The following ANTXR1 variants were observed in gnomAD, a reference collection of about 807,000 sequenced individuals.
The protein encoded by ANTXR1 is ANTXR cell adhesion molecule 1.
Under a neutral mutation model 78.1 loss-of-function variants are expected in ANTXR1, and 19 were observed. That is an observed-to-expected ratio of 0.24 (90% CI 0.17 to 0.36). The LOEUF is 0.36. ANTXR1 is among the 10% of genes least tolerant of loss of function. The pLI, the probability that ANTXR1 is intolerant of heterozygous loss-of-function variation, is 1.00. For missense variants in ANTXR1, 518 were observed against 718.6 expected (o/e 0.72, Z 3.19); for synonymous variants, 273 against 260.5 (o/e 1.05, Z -0.46).
At chr2:69,130,518 G>A (rs1395610371) in intron 12 of ANTXR1, among the ~76,000 whole-genome samples, 1 of 152,186 alleles carries the variant, frequency 6.6e-6, no homozygotes, top group African/African-American at 2.4e-5. Flanking sequence ...ACAGGATATT[G>A]AGTCGAAAAT....
chr2:69,202,440 A>G (rs1674795307), intron 17 of ANTXR1, among the ~76,000 whole-genome samples: 1 of 152,186 alleles, frequency 6.6e-6, no homozygotes, highest in African/African-American at 2.4e-5. Context: ...CTTAACAAAC[A>G]ATGGGAGGGA....
intron 4 of ANTXR1, 87 bp downstream of exon 4, chr2:69,070,815 T>TTA: frequency 8.0e-7 from 1 of 1,243,240 alleles, no homozygotes; most frequent in South Asian, 1.2e-5. Context: ...GGCACTTATA[T>TTA]TAAGAGGGCT....
intron 10 of ANTXR1, among the ~76,000 whole-genome samples, chr2:69,111,809 T>C (rs536511338): frequency 2.0e-4 from 31 of 152,200 alleles, no homozygotes; most frequent in Non-Finnish European, 3.7e-4. Context: ...TTCAAAAACA[T>C]GCCCAATTTT....
rs762277688 is a variant in ANTXR1, at chr2:69,193,346, T to C, written c.1365T>C (p.Asp455=). 6.2e-7 allele frequency: 1 copy of C among 1,613,980 alleles called. No individual in the cohort carries two copies. Among genetic ancestry groups the C allele is most frequent in the Non-Finnish European group, 8.5e-7 (1 of 1,179,934 alleles). ...KWYSPIKGKL[D]ALWVLLRKGY... is the part of the protein sequence containing the mutation. ...TTGTTTTATTTCAGGGAAAACTCGA[T>C]GCCTTGTGGGTCCTACTGAGGAAAG... The change falls in exon 17 of 18, where the codon GAT becomes GAC. Residue 455 remains aspartate (D), a synonymous_variant. Coordinates refer to ENST00000303714, the MANE Select transcript of ANTXR1 (RefSeq NM_032208.3).
rs372378888 is a variant in ANTXR1 at position 69,193,415 on chromosome 2, G to A, written c.1434G>A (p.Thr478=). ...TGATGCGTCCACAGCCAGGAGACAC[G>A]GTAGGACTCGTTAATTCATTAATGG... The part of the protein sequence containing the change: ...VSVMRPQPGD[T]GRCINFTRVK... Residue 478 remains threonine (T), a splice_region_variant and synonymous_variant, in exon 17 of 18, where the codon ACG becomes ACA. Transcript: ENST00000303714. 45 of 1,606,606 alleles carry A rather than the reference G, an allele frequency of 2.8e-5. No homozygotes were observed. Among genetic ancestry groups the A allele is most frequent in the African/African-American group, 1.6e-4 (12 of 74,106 alleles).
intron 9 of ANTXR1, among the ~76,000 whole-genome samples, chr2:69,099,810 A>G (rs906459973): frequency 2.6e-5 from 4 of 152,204 alleles, no homozygotes; most frequent in African/African-American, 9.7e-5. Context: ...TTTCTATGCC[A>G]AGATATGTTA....
At chr2:69,223,166 G>T (rs1023719373) in intron 17 of ANTXR1, among the ~76,000 whole-genome samples, 1 of 152,180 alleles carries the variant, frequency 6.6e-6, no homozygotes, top group Non-Finnish European at 1.5e-5. Context: ...CTGGCAGATG[G>T]CCCAGGACTT....
intron 17 of ANTXR1, among the ~76,000 whole-genome samples, chr2:69,208,631 TTA>T (rs1674961899): frequency 1.3e-5 from 2 of 152,214 alleles, no homozygotes. Flanking sequence ...CCCATGTGGT[TTA>T]TGTTATGTGT....
chr2:69,040,151 C>T (rs781540848), intron 2 of ANTXR1, 36 bp downstream of exon 2: 2 of 1,576,748 alleles, frequency 1.3e-6, no homozygotes, highest in African/African-American at 1.3e-5. Context: ...ACTTGTAGTT[C>T]TCTGTCATGA....
At chr2:69,084,810 G>A (rs1193919151) in intron 8 of ANTXR1, among the ~76,000 whole-genome samples, 1 of 148,848 alleles carries the variant, frequency 6.7e-6, no homozygotes, top group African/African-American at 2.5e-5. Flanking sequence ...CAATATGTGT[G>A]CCTATTAAAG....
chr2:69,083,900 T>C (rs1173720259), intron 8 of ANTXR1, among the ~76,000 whole-genome samples: 3 of 152,252 alleles, frequency 2.0e-5, no homozygotes, highest in African/African-American at 7.2e-5. Context: ...AAAAAATCTT[T>C]TGCCTCAGCA....
chr2:69,202,187 A>G (rs1482560066), intron 17 of ANTXR1, among the ~76,000 whole-genome samples: 1 of 152,198 alleles, frequency 6.6e-6, no homozygotes, highest in Non-Finnish European at 1.5e-5. Context: ...GTCAGGGTGG[A>G]GAAAAGAAAT....
chr2:69,177,248 G>A (rs1195160921), intron 14 of ANTXR1, among the ~76,000 whole-genome samples: 1 of 152,206 alleles, frequency 6.6e-6, no homozygotes, highest in Non-Finnish European at 1.5e-5. Context: ...AGAAGCAATG[G>A]GAGAAGGGCT....
chr2:69,221,255 T>C (rs998780016), intron 17 of ANTXR1, among the ~76,000 whole-genome samples: 8 of 152,310 alleles, frequency 5.3e-5, no homozygotes, highest in African/African-American at 1.9e-4. Flanking sequence ...TATTTAAGAA[T>C]ACCTTTCAAA....
At chr2:69,168,198 A>G (rs1226168747) in intron 13 of ANTXR1, among the ~76,000 whole-genome samples, 1 of 152,230 alleles carries the variant, frequency 6.6e-6, no homozygotes, top group Admixed American at 6.5e-5. Flanking sequence ...GGTATGAAAG[A>G]TGTAATCAAG....
intron 3 of ANTXR1, among the ~76,000 whole-genome samples, chr2:69,053,386 A>T (rs1669982356): frequency 1.3e-5 from 2 of 152,170 alleles, no homozygotes; most frequent in Non-Finnish European, 2.9e-5. Context: ...TCAGGTGTAG[A>T]TGCTGGATTA....
At chr2:69,039,706 T>C (rs1412234835) in intron 1 of ANTXR1, among the ~76,000 whole-genome samples, 2 of 152,158 alleles carry the variant, frequency 1.3e-5, no homozygotes, top group Non-Finnish European at 2.9e-5. Flanking sequence ...AATAATTTAA[T>C]AGCACAAAAA....
At chr2:69,099,951 A>C (rs966290959) in intron 9 of ANTXR1, among the ~76,000 whole-genome samples, 1 of 152,242 alleles carries the variant, frequency 6.6e-6, no homozygotes, top group Non-Finnish European at 1.5e-5. Flanking sequence ...TGGGAATAAC[A>C]GTGACAAAAG....
chr2:69,176,084 C>CACACACACAT (rs1491134195), intron 14 of ANTXR1, among the ~76,000 whole-genome samples: 1 of 151,504 alleles, frequency 6.6e-6, no homozygotes, highest in Non-Finnish European at 1.5e-5. Flanking sequence ...GACACCCCCC[C>CACACACACAT]ACACACACAT....
Sources: allele counts gnomAD v4.1 joint callset (sites outside exome capture counted in the v4.1 genomes callset), GRCh38; gene constraint gnomAD v4.1.1; transcripts MANE v1.5; gene names NCBI Gene and HGNC (gene_info 2026-07-23, HGNC 2026-07-21).